Variants in NUAK1 observed in about 807,000 individuals in gnomAD.
NUAK1 encodes the protein NUAK family SNF1-like kinase 1.
A neutral mutation model predicts 56.9 loss-of-function variants in NUAK1; 26 were observed. The ratio of observed to expected loss-of-function variants is 0.46; its 90% CI spans 0.33 to 0.63. NUAK1 has a LOEUF of 0.63. Ranked by LOEUF, NUAK1 falls within the 30% of genes least tolerant of loss-of-function variation. NUAK1 has a pLI of 0.02. For synonymous variants in NUAK1, 337 were observed against 336.0 expected, an observed-to-expected ratio of 1.00 and a Z score of -0.03; for missense variants, 727 against 876.1, an observed-to-expected ratio of 0.83 and a Z score of 2.15.
In NUAK1 at chr12:106,083,848, G is replaced by A. The variant is rs754564125; in HGVS notation, c.579+16C>T. On this transcript the variant is annotated intron_variant, in intron 4 of 6. Transcript: ENST00000261402. ...ACCCAGGCCCTGCATATCAATCGAC[G>A]ACGCAAGGGCTTTACCTTAATATTG... 2.4e-5 allele frequency: 39 copies of A among 1,612,726 alleles called. No homozygotes were observed. Among genetic ancestry groups the A allele is most frequent in the African/African-American group, 6.7e-5 (5 of 74,884 alleles).
At position 106,066,998 on chromosome 12, in the gene NUAK1, C is replaced by T. The variant is rs200668694; in HGVS notation, c.1790G>A (p.Arg597His). Reference protein sequence around the residue: ...DLQENRPARQRIRSCVSAENF... With the variant: ...DLQENRPARQHIRSCVSAENF... The stretch of plus-strand genomic sequence containing the variant: ...TTCTGCAGAGACGCAGCTGCGGATG[C>T]GCTGGCGGGCAGGGCGATTCTCCTG... The change falls in exon 7 of 7, where the codon CGC becomes CAC. Residue 597 changes from arginine (R) to histidine (H), a missense_variant. Arg to His is a conservative substitution (Grantham distance 29, BLOSUM62 0). Coordinates refer to ENST00000261402, the MANE Select transcript of NUAK1 (RefSeq NM_014840.3). The T allele has an allele frequency of 9.9e-6, 16 of 1,614,206 alleles. No homozygotes were observed. The East Asian group carries it at 1.1e-4, about 11-fold the overall frequency.
chr12:106,074,171 C>A (rs2032438121), intron 4 of NUAK1, among the ~76,000 whole-genome samples: 1 of 151,996 alleles, frequency 6.6e-6, no homozygotes, highest in Non-Finnish European at 1.5e-5. Context: ...CCTGCCCACA[C>A]CCAAGAAACA....
At chr12:106,106,571 G>A (rs1334794722) in intron 1 of NUAK1, 46 bp from the exon 2 acceptor site, 2 of 1,571,190 alleles carry the variant, frequency 1.3e-6, no homozygotes, top group Non-Finnish European at 1.7e-6. Context: ...CTAAACAGAT[G>A]CAAATCAGCC....
chr12:106,085,996 T>A (rs2032567128), intron 3 of NUAK1, among the ~76,000 whole-genome samples: 1 of 152,204 alleles, frequency 6.6e-6, no homozygotes. Flanking sequence ...CATGAGCCTG[T>A]CTGCGGCCAT....
intron 1 of NUAK1, among the ~76,000 whole-genome samples, chr12:106,128,120 T>C: frequency 1.3e-5 from 2 of 148,654 alleles, no homozygotes; most frequent in Admixed American, 6.7e-5. Context: ...CTCCAAATTC[T>C]CTCTTTTCTT....
At chr12:106,096,454 G>T (rs1048787710) in intron 2 of NUAK1, among the ~76,000 whole-genome samples, 47 of 152,204 alleles carry the variant, frequency 3.1e-4, no homozygotes, top group African/African-American at 1.1e-3. Context: ...CACGTGAAGA[G>T]AACTCTCTGG....
Position 106,067,066 on chromosome 12 carries a change from A to G in NUAK1, c.1722T>C (p.Asp574=). 1.2e-6 allele frequency: 2 copies of G among 1,614,250 alleles called. No homozygotes were observed. The highest frequency in any genetic ancestry group is 1.3e-5 in the African/African-American group (1 of 75,070). Reference sequence around the variant, plus strand: ...AAGAGTCGCTGGACAGCACGCTGTCATCGCTGATGACACTGGAAGGGCGGC... The same window carrying G: ...AAGAGTCGCTGGACAGCACGCTGTCGTCGCTGATGACACTGGAAGGGCGGC... ...SYSRPSSVIS[D]DSVLSSDSFD... Residue 574 remains aspartate (D), a synonymous_variant, in exon 7 of 7, where the codon GAT becomes GAC. Coordinates refer to ENST00000261402, the MANE Select transcript of NUAK1 (RefSeq NM_014840.3). This position sits in a 1 kb window ranked among gnomAD's most constrained non-coding sequence, Gnocchi z 6.0.
At chr12:106,093,855 GT>G (rs1432725684) in intron 2 of NUAK1, among the ~76,000 whole-genome samples, 19 of 152,328 alleles carry the variant, frequency 1.2e-4, no homozygotes, top group Non-Finnish European at 1.5e-5. Context: ...TGGGAGTGCA[GT>G]GGCAAGATCT....
At position 106,066,781 on chromosome 12, in the gene NUAK1, G is replaced by A. The variant is rs375113809; in HGVS notation, c.*21C>T. On this transcript the variant is annotated 3_prime_UTR_variant, in exon 7 of 7. Coordinates refer to ENST00000261402, the MANE Select transcript of NUAK1 (RefSeq NM_014840.3). Reference sequence around the variant, plus strand: ...CCCTTCCTCCCTCGTACCCCCGCCCGCCCCTGGGCGCCCTGGAATGCTAGT... The same window carrying A: ...CCCTTCCTCCCTCGTACCCCCGCCCACCCCTGGGCGCCCTGGAATGCTAGT... 537 of 1,581,962 alleles carry A rather than the reference G, an allele frequency of 3.4e-4. No homozygotes were observed. The highest frequency in any genetic ancestry group is 4.1e-4 in the Non-Finnish European group (470 of 1,160,128).
chr12:106,100,537 T>C (rs983802810), intron 2 of NUAK1, among the ~76,000 whole-genome samples: 3 of 152,232 alleles, frequency 2.0e-5, no homozygotes, highest in Non-Finnish European at 2.9e-5. Context: ...TCTGTTCACT[T>C]TGTTGACTCT....
intron 3 of NUAK1, among the ~76,000 whole-genome samples, chr12:106,085,525 C>T (rs372127165): frequency 1.3e-4 from 20 of 152,104 alleles, no homozygotes; most frequent in African/African-American, 4.1e-4. Flanking sequence ...ACTCAAGTCA[C>T]GTTATCCTCA....
chr12:106,107,720 C>T (rs1199320836), intron 1 of NUAK1, among the ~76,000 whole-genome samples: 2 of 152,218 alleles, frequency 1.3e-5, no homozygotes, highest in East Asian at 1.9e-4. Context: ...GCACGTGCTA[C>T]TTCTGACTTG....
chr12:106,082,016 C>G (rs1034590943), intron 4 of NUAK1, among the ~76,000 whole-genome samples: 5 of 152,196 alleles, frequency 3.3e-5, no homozygotes, highest in African/African-American at 1.2e-4. Flanking sequence ...CAGCTGACTT[C>G]CGGTTCAATT....
chr12:106,133,222 T>C (rs929994371), intron 1 of NUAK1, among the ~76,000 whole-genome samples: 1 of 152,126 alleles, frequency 6.6e-6, no homozygotes, highest in Non-Finnish European at 1.5e-5. Context: ...AGTGAATGAA[T>C]GCCTTGGAAT....
chr12:106,102,183 A>G (rs2032756371), intron 2 of NUAK1, among the ~76,000 whole-genome samples: 2 of 152,220 alleles, frequency 1.3e-5, no homozygotes, highest in African/African-American at 4.8e-5. Flanking sequence ...TTTTATTTGC[A>G]TGATACCCTA....
intron 4 of NUAK1, among the ~76,000 whole-genome samples, chr12:106,077,414 C>CTGTTTGGCCGACTTAACAAAGCCA (rs1338170569): frequency 6.6e-6 from 1 of 152,206 alleles, no homozygotes; most frequent in Non-Finnish European, 1.5e-5. Flanking sequence ...TATGGTAAGG[C>CTGTTTGGCCGACTTAACAAAGCCA]TGATGGTTTG....
In NUAK1 at chr12:106,067,268, G is replaced by A. The variant is rs750262992; in HGVS notation, c.1520C>T (p.Pro507Leu). 1.9e-5 allele frequency: 31 copies of A among 1,613,860 alleles called. No individual in the cohort carries two copies. The highest frequency in any genetic ancestry group is 2.2e-5 in the Non-Finnish European group (26 of 1,179,952). ...GTGGGAGGTTACCCTGGCTGGGTCC[G>A]GGGGGCTGGGGGAGGGGATGCTGCT... Reference protein sequence around the residue: ...MGSSIPSPSPPDPARVTSHSL... With the variant: ...MGSSIPSPSPLDPARVTSHSL... The change falls in exon 7 of 7, where the codon CCG becomes CTG. Residue 507 changes from proline (P) to leucine (L), a missense_variant. Pro to Leu is a moderately conservative substitution (Grantham distance 98). Coordinates refer to ENST00000261402, the MANE Select transcript of NUAK1 (RefSeq NM_014840.3). This position sits in a 1 kb window ranked among gnomAD's most constrained non-coding sequence, Gnocchi z 6.0.
At chr12:106,127,083 GACA>G (rs1450573612) in intron 1 of NUAK1, among the ~76,000 whole-genome samples, 4 of 152,196 alleles carry the variant, frequency 2.6e-5, no homozygotes, top group African/African-American at 7.2e-5. Context: ...GAGTCCTTGT[GACA>G]ACCTAGGAGT....
chr12:106,122,456 T>C (rs2032987144), intron 1 of NUAK1, among the ~76,000 whole-genome samples: 1 of 152,212 alleles, frequency 6.6e-6, no homozygotes, highest in Non-Finnish European at 1.5e-5. Flanking sequence ...ACCATGGGGA[T>C]GAATTCAGGT....
Sources: allele counts gnomAD v4.1 joint callset (sites outside exome capture counted in the v4.1 genomes callset), GRCh38; gene constraint gnomAD v4.1.1; non-coding constraint Gnocchi (gnomAD v3.1); transcripts MANE v1.5; gene names NCBI Gene and HGNC (gene_info 2026-07-23, HGNC 2026-07-21).